Variants in EPHX4 observed in about 807,000 individuals in gnomAD.
EPHX4 encodes epoxide hydrolase 4, also known as abhydrolase domain containing 7.
EPHX4 carries 31 observed loss-of-function variants against 44.9 expected under a neutral mutation model. The observed-to-expected ratio is 0.69, with a 90% CI of 0.52 to 0.93. The LOEUF (loss-of-function observed/expected upper bound fraction) is 0.93. Ranked by LOEUF, EPHX4 falls within the 40% of genes least tolerant of loss-of-function variation. The pLI, the probability that EPHX4 is intolerant of heterozygous loss-of-function variation, is 0.00. For missense variants in EPHX4, 373 were observed against 438.1 expected, an observed-to-expected ratio of 0.85 and a Z score of 1.33; for synonymous variants, 151 against 159.7, an observed-to-expected ratio of 0.95 and a Z score of 0.41.
Position 92,063,374 on chromosome 1 carries a change from A to G in EPHX4, c.*88A>G, listed in dbSNP as rs1647540902. Reference sequence around the variant, plus strand: ...CATCAACTTCTTTATGTTTTATTAGAAAAAAACTGTTTTAATGTGCTTTAT... The same window carrying G: ...CATCAACTTCTTTATGTTTTATTAGGAAAAAACTGTTTTAATGTGCTTTAT... On this transcript the variant is annotated 3_prime_UTR_variant, in exon 7 of 7. Coordinates refer to ENST00000370383, the MANE Select transcript of EPHX4 (RefSeq NM_173567.5). 9.5e-7 allele frequency: 1 copy of G among 1,048,268 alleles called. No homozygotes were observed. The highest frequency in any genetic ancestry group is 1.3e-6 in the Non-Finnish European group (1 of 752,010). The allele number at this position is 1,048,268 out of a possible 1,614,324, so 64.9% of individuals were successfully genotyped here. A position where few individuals can be genotyped will look rare whatever the true frequency, so the allele number is the denominator to read the frequency against.
In EPHX4 at chr1:92,063,348, T is replaced by C. The variant is rs1417938141; in HGVS notation, c.*62T>C. The C allele has an allele frequency of 1.6e-6, 2 of 1,226,204 alleles. No individual in the cohort carries two copies. The highest frequency in any genetic ancestry group is 1.7e-5 in the South Asian group (1 of 57,770). The allele number at this position is 1,226,204 out of a possible 1,614,324, so 76.0% of individuals were successfully genotyped here. A position where few individuals can be genotyped will look rare whatever the true frequency, so the allele number is the denominator to read the frequency against. On this transcript the variant is annotated 3_prime_UTR_variant, in exon 7 of 7. Transcript: ENST00000370383. ...TCTCTAAATAATTTTTAAAAATTGT[T>C]CATCAACTTCTTTATGTTTTATTAG...
chr1:92,032,973 A>G (rs1688383099), intron 2 of EPHX4, among the ~76,000 whole-genome samples: 1 of 152,142 alleles, frequency 6.6e-6, no homozygotes, highest in African/African-American at 2.4e-5. Context: ...GCTGGGGCAC[A>G]GTGGCATGAT....
At chr1:92,042,689 C>T in intron 2 of EPHX4, 134 bp from the exon 3 acceptor site, 5 of 727,282 alleles carry the variant, frequency 6.9e-6, no homozygotes, top group South Asian at 2.1e-5. Flanking sequence ...TGCACCACTG[C>T]ACTCCAGCCT....
chr1:92,051,456 AT>A lies in EPHX4; in HGVS notation c.708+1045del, dbSNP rs1013450661. On this transcript the variant is annotated intron_variant, in intron 5 of 6. Coordinates refer to ENST00000370383, the MANE Select transcript of EPHX4 (RefSeq NM_173567.5). The stretch of plus-strand genomic sequence containing the variant: ...TAGTGCCTTCTTTCTTTTTTTTCTA[AT>A]TTTTTTTTAATATCACTTATTTATT... Among the ~76,000 whole-genome samples the A allele has an allele frequency of 4.5e-4, 68 of 150,992 alleles. 1 individual carries two copies. Among genetic ancestry groups the A allele is most frequent in the African/African-American group, 1.5e-3 (62 of 41,224 alleles).
rs113987778 is a variant in EPHX4 at position 92,050,514 on chromosome 1, A to G, written c.708+94A>G. On this transcript the variant is annotated intron_variant, in intron 5 of 6. Coordinates refer to ENST00000370383, the MANE Select transcript of EPHX4 (RefSeq NM_173567.5). Reference sequence around the variant, plus strand: ...GTTTAAGAAGAATAATGAAAAATGAAAGGAAATTATTATAACTTAAATGGT... The same window carrying G: ...GTTTAAGAAGAATAATGAAAAATGAGAGGAAATTATTATAACTTAAATGGT... 313 of 713,776 alleles carry G rather than the reference A, an allele frequency of 4.4e-4. 6 individuals carry two copies. In the African/African-American group the frequency reaches 4.8e-3, roughly 11 times the overall value. 44.2% of individuals were successfully genotyped at this position (713,776 alleles called of 1,614,324 possible).
intron 3 of EPHX4, 179 bp downstream of exon 3, chr1:92,043,159 A>C (rs370626169): frequency 2.0e-6 from 1 of 504,960 alleles, no homozygotes; most frequent in Non-Finnish European, 3.4e-6. Flanking sequence ...AAAATGATGC[A>C]TCTAGAGCAA....
At chr1:92,041,522 A>G (rs778812320) in intron 2 of EPHX4, among the ~76,000 whole-genome samples, 5 of 152,192 alleles carry the variant, frequency 3.3e-5, no homozygotes, top group Non-Finnish European at 5.9e-5. Context: ...AGAGAATCAA[A>G]TGGTTCTGCA....
Position 92,063,507 on chromosome 1 carries a change from C to T in EPHX4, c.*221C>T. 1 of 369,436 alleles carries T rather than the reference C, an allele frequency of 2.7e-6. No individual in the cohort carries two copies. The highest frequency in any genetic ancestry group is 4.9e-6 in the Non-Finnish European group (1 of 204,498). The allele number at this position is 369,436 out of a possible 1,614,324, so 22.9% of individuals were successfully genotyped here. A position where few individuals can be genotyped will look rare whatever the true frequency, so the allele number is the denominator to read the frequency against. On this transcript the variant is annotated 3_prime_UTR_variant, in exon 7 of 7. Transcript: ENST00000370383. ...TGTATTTTGCACAGACAAGCATCTG[C>T]CTTAAAATATATACACTTGTACAAA...
chr1:92,049,430 T>C (rs1400769709), intron 4 of EPHX4, among the ~76,000 whole-genome samples: 1 of 152,218 alleles, frequency 6.6e-6, no homozygotes, highest in African/African-American at 2.4e-5. Flanking sequence ...ATTATTGCTC[T>C]CTAAAGTGAT....
intron 3 of EPHX4, among the ~76,000 whole-genome samples, chr1:92,044,209 A>G (rs1023039): frequency 0.52 from 78,206 of 151,840 alleles, 20,785 homozygotes; most frequent in African/African-American, 0.66. Flanking sequence ...TTTTAGGGGA[A>G]AAAAAATGAA....
intron 1 of EPHX4, 93 bp downstream of exon 1, chr1:92,030,403 C>G (rs1206447052): frequency 2.5e-6 from 3 of 1,185,140 alleles, no homozygotes; most frequent in Non-Finnish European, 3.4e-6. Context: ...GACGCTGGCT[C>G]AGCGTCCCCT....
intron 6 of EPHX4, among the ~76,000 whole-genome samples, chr1:92,057,943 T>TAAAATCCCA (rs1237992252): frequency 3.3e-5 from 5 of 152,142 alleles, no homozygotes; most frequent in Non-Finnish European, 5.9e-5. Flanking sequence ...TGTTAAATAC[T>TAAAATCCCA]CTTTCAGATA....
At chr1:92,041,701 C>T (rs530262964) in intron 2 of EPHX4, among the ~76,000 whole-genome samples, 159 of 152,206 alleles carry the variant, frequency 1.0e-3, no homozygotes, top group Non-Finnish European at 2.1e-3. Context: ...GTTCATAGTA[C>T]AGATTCCCTG....
At chr1:92,038,909 T>C (rs747829153) in intron 2 of EPHX4, among the ~76,000 whole-genome samples, 9 of 152,236 alleles carry the variant, frequency 5.9e-5, no homozygotes, top group Non-Finnish European at 1.0e-4. Context: ...TGCTGTTTGC[T>C]GACTCTGTGA....
chr1:92,030,366 T>TG, intron 1 of EPHX4, 56 bp downstream of exon 1: 2 of 1,405,138 alleles, frequency 1.4e-6, no homozygotes, highest in East Asian at 2.6e-5. Flanking sequence ...GCCGCGAGGG[T>TG]GGGGGGCTCC....
At chr1:92,032,647 T>C (rs779592775) in intron 2 of EPHX4, 57 bp downstream of exon 2, 31 of 1,379,138 alleles carry the variant, frequency 2.2e-5, no homozygotes, top group Non-Finnish European at 3.1e-5. Context: ...TTTTCTCAGT[T>C]CATTTTGTGC....
chr1:92,060,479 A>G (rs944912515), intron 6 of EPHX4, among the ~76,000 whole-genome samples: 2 of 152,006 alleles, frequency 1.3e-5, no homozygotes, highest in Non-Finnish European at 2.9e-5. Flanking sequence ...TAATTTAAAA[A>G]TAAAATAATT....
intron 2 of EPHX4, among the ~76,000 whole-genome samples, chr1:92,036,263 A>C (rs1390489178): frequency 1.3e-5 from 2 of 152,160 alleles, no homozygotes; most frequent in South Asian, 4.2e-4. Flanking sequence ...ATAAAAATGA[A>C]CCTACAACCA....
chr1:92,035,609 CT>C (rs1557881488), intron 2 of EPHX4, among the ~76,000 whole-genome samples: 1 of 152,136 alleles, frequency 6.6e-6, no homozygotes, highest in African/African-American at 2.4e-5. Context: ...CAGGCACTCT[CT>C]TTTTTATTTT....
Sources: gnomAD v4.1 joint callset for allele counts (sites outside exome capture counted in the v4.1 genomes callset) on GRCh38, gnomAD v4.1.1 for gene constraint, MANE v1.5 for transcripts, NCBI Gene and HGNC (gene_info 2026-07-23, HGNC 2026-07-21) for gene names.